The following GLT1D1 variants were observed in gnomAD, a reference collection of about 807,000 sequenced individuals.
The protein encoded by GLT1D1 is glycosyltransferase 1 domain containing 1, also known as glycosyltransferase 1 domain-containing protein 1.
GLT1D1 carries 21 observed loss-of-function variants against 28.7 expected under a neutral mutation model. The ratio of observed to expected loss-of-function variants is 0.73; its 90% CI spans 0.52 to 1.05. The LOEUF is 1.05. Among genes scored for constraint, GLT1D1 ranks in the 50% least tolerant of loss-of-function variants. The pLI, the probability that GLT1D1 is intolerant of heterozygous loss-of-function variation, is 0.00. For synonymous variants in GLT1D1, 147 were observed against 124.8 expected, an observed-to-expected ratio of 1.18 and a Z score of -1.19; for missense variants, 343 against 330.6, an observed-to-expected ratio of 1.04 and a Z score of -0.29.
At chr12:128,958,103 C>T (rs1006824928) in intron 7 of GLT1D1, among the ~76,000 whole-genome samples, 4 of 152,194 alleles carry the variant, frequency 2.6e-5, no homozygotes, top group Admixed American at 2.6e-4. Context: ...GGGCCATGTA[C>T]CTGTCCATCG....
intron 4 of GLT1D1, among the ~76,000 whole-genome samples, chr12:128,921,659 G>T (rs542233399): frequency 6.6e-6 from 1 of 151,994 alleles, no homozygotes; most frequent in Admixed American, 6.6e-5. Flanking sequence ...ATCCCAGGAC[G>T]GGGGTAGTTG....
intron 7 of GLT1D1, among the ~76,000 whole-genome samples, 189 bp downstream of exon 11, chr12:128,957,832 A>G (rs1174029935): frequency 6.6e-6 from 1 of 152,202 alleles, no homozygotes; most frequent in African/African-American, 2.4e-5. Flanking sequence ...CCTAGGGAAC[A>G]GGAGCATTGA....
intron 3 of GLT1D1, among the ~76,000 whole-genome samples, chr12:128,890,505 C>T (rs1431619910): frequency 1.3e-5 from 2 of 152,038 alleles, no homozygotes; most frequent in Non-Finnish European, 2.9e-5. Context: ...AAAATCAGGC[C>T]GGGCACGGTG....
At chr12:128,888,225 C>G (rs1237388906) in intron 2 of GLT1D1, among the ~76,000 whole-genome samples, 1 of 152,150 alleles carries the variant, frequency 6.6e-6, no homozygotes, top group African/African-American at 2.4e-5. Context: ...GTTGTTGTCC[C>G]AAGCTAGCAC....
chr12:128,901,865 G>A (rs905897036), intron 4 of GLT1D1, among the ~76,000 whole-genome samples: 2 of 150,714 alleles, frequency 1.3e-5, no homozygotes, highest in Non-Finnish European at 3.0e-5. Flanking sequence ...CTCCCACCTC[G>A]GCCTCCCAAA....
chr12:128,922,141 C>A (rs1872719278), intron 4 of GLT1D1, among the ~76,000 whole-genome samples: 1 of 147,090 alleles, frequency 6.8e-6, no homozygotes, highest in South Asian at 2.2e-4. Context: ...TACTGGAGAT[C>A]TTTTTCTGAC....
intron 1 of GLT1D1, among the ~76,000 whole-genome samples, chr12:128,865,842 C>T (rs894321454): frequency 6.6e-6 from 1 of 151,508 alleles, no homozygotes; most frequent in African/African-American, 2.4e-5. Flanking sequence ...CAAAACAAAA[C>T]AAAAAAACCC....
chr12:128,854,290 C>G (rs1470196288), intron 1 of GLT1D1, among the ~76,000 whole-genome samples: 1 of 152,250 alleles, frequency 6.6e-6, no homozygotes, highest in Non-Finnish European at 1.5e-5. Context: ...CCCGCCGCCT[C>G]CCACCCGCAC....
intron 7 of GLT1D1, 142 bp downstream of exon 11, chr12:128,957,785 C>A: frequency 3.4e-6 from 2 of 591,348 alleles, no homozygotes; most frequent in East Asian, 6.2e-5. Flanking sequence ...CTTCTGTTAT[C>A]ACCTGGGCAG....
chr12:128,895,312 C>T (rs1869499412), intron 3 of GLT1D1, among the ~76,000 whole-genome samples: 1 of 151,896 alleles, frequency 6.6e-6, no homozygotes, highest in Non-Finnish European at 1.5e-5. Context: ...ATTTTTATTT[C>T]ATCACTAGAA....
intron 4 of GLT1D1, among the ~76,000 whole-genome samples, chr12:128,925,795 C>T (rs1873142286): frequency 1.3e-5 from 2 of 152,212 alleles, no homozygotes; most frequent in Admixed American, 1.3e-4. Flanking sequence ...CCCCGTGCCT[C>T]ATCCTTTTTC....
At chr12:128,980,006 C>T (rs1880166324) in intron 7 of GLT1D1, among the ~76,000 whole-genome samples, 2 of 152,360 alleles carry the variant, frequency 1.3e-5, no homozygotes, top group Non-Finnish European at 1.5e-5. Flanking sequence ...CACTCTCACA[C>T]CATTGAAAAA....
At chr12:128,870,267 AAAC>A (rs933007323) in intron 1 of GLT1D1, among the ~76,000 whole-genome samples, 1 of 152,164 alleles carries the variant, frequency 6.6e-6, no homozygotes, top group African/African-American at 2.4e-5. Context: ...GACTGTCTCA[AAAC>A]AACAACAACA....
intron 1 of GLT1D1, among the ~76,000 whole-genome samples, chr12:128,873,933 CTTT>C (rs1956766183): frequency 8.5e-6 from 1 of 118,106 alleles, no homozygotes. Context: ...TTCTTTCTTT[CTTT>C]TTCTTTCTTT....
At chr12:128,872,690 T>A (rs144313945) in intron 1 of GLT1D1, among the ~76,000 whole-genome samples, 1 of 152,294 alleles carries the variant, frequency 6.6e-6, no homozygotes, top group East Asian at 1.9e-4. Context: ...GTGAGCTCTT[T>A]GCAGGTTTTA....
intron 6 of GLT1D1, among the ~76,000 whole-genome samples, chr12:128,953,046 T>C (rs1181561175): frequency 6.6e-6 from 1 of 151,950 alleles, no homozygotes; most frequent in African/African-American, 2.4e-5. Flanking sequence ...CCTCACAAAG[T>C]GCTGGGATTA....
chr12:128,944,846 G>A (rs900051221), intron 4 of GLT1D1: 2 of 285,602 alleles, frequency 7.0e-6, no homozygotes, highest in Non-Finnish European at 1.3e-5. Context: ...TGTGCACAAT[G>A]TGCAGGTTTG....
intron 2 of GLT1D1, among the ~76,000 whole-genome samples, chr12:128,882,909 T>C (rs924428531): frequency 1.3e-5 from 2 of 151,080 alleles, no homozygotes; most frequent in Non-Finnish European, 3.0e-5. Flanking sequence ...TATTTATTTA[T>C]TTATTTATTT....
intron 4 of GLT1D1, among the ~76,000 whole-genome samples, chr12:128,941,571 T>C (rs998963860): frequency 4.7e-4 from 53 of 111,894 alleles, no homozygotes; most frequent in African/African-American, 2.6e-3. Context: ...CTCTTTCTCT[T>C]TTTTTTTTTT....
Sources: allele counts gnomAD v4.1 joint callset (sites outside exome capture counted in the v4.1 genomes callset), GRCh38; gene constraint gnomAD v4.1.1; transcripts MANE v1.5; gene names NCBI Gene and HGNC (gene_info 2026-07-23, HGNC 2026-07-21).